Variants in OLAH observed in about 807,000 individuals in gnomAD.
OLAH encodes the protein oleoyl-ACP hydrolase.
OLAH carries 33 observed loss-of-function variants against 27.8 expected under a neutral mutation model. The observed-to-expected ratio is 1.19, with a 90% CI of 0.90 to 1.59. OLAH has a LOEUF of 1.59. OLAH is among the 40% of genes most tolerant of loss of function. The pLI, the probability that OLAH is intolerant of heterozygous loss-of-function variation, is 0.00. For synonymous variants in OLAH, 120 were observed against 102.9 expected (o/e 1.17, Z -1.01); for missense variants, 359 against 310.8 (o/e 1.16, Z -1.17).
chr10:15,036,837 C>T (rs1296089613), intron 1 of OLAH, among the ~76,000 whole-genome samples: 1 of 151,986 alleles, frequency 6.6e-6, no homozygotes, highest in African/African-American at 2.4e-5. Flanking sequence ...TCACAATATT[C>T]TGGGAGGCTG....
At chr10:15,067,602 G>A (rs1019119091) in intron 6 of OLAH, among the ~76,000 whole-genome samples, 1 of 152,134 alleles carries the variant, frequency 6.6e-6, no homozygotes, top group Admixed American at 6.5e-5. Flanking sequence ...TGTAGAAAAT[G>A]TTGACATTCT....
intron 7 of OLAH, among the ~76,000 whole-genome samples, 174 bp downstream of exon 7, chr10:15,072,051 A>T (rs541149371): frequency 3.9e-5 from 6 of 152,136 alleles, no homozygotes; most frequent in African/African-American, 1.4e-4. Context: ...CTCCTGCCTC[A>T]GCCTCCTGAG....
At chr10:15,043,477 C>CA (rs1447144744), upstream of OLAH, among the ~76,000 whole-genome samples, 11 of 133,520 alleles carry the variant, frequency 8.2e-5, no homozygotes, top group African/African-American at 3.1e-4. Flanking sequence ...TTCTCTTCTT[C>CA]TTTTTTTTTT....
intron 6 of OLAH, among the ~76,000 whole-genome samples, chr10:15,069,502 T>G (rs1289183754): frequency 6.6e-6 from 1 of 152,202 alleles, no homozygotes; most frequent in Admixed American, 6.5e-5. Context: ...AACTGCCCTG[T>G]GGAGGTGTCT....
intron 1 of OLAH, among the ~76,000 whole-genome samples, chr10:15,036,424 G>C (rs887886093): frequency 6.6e-6 from 1 of 152,092 alleles, no homozygotes; most frequent in African/African-American, 2.4e-5. Context: ...CCGAACCTGG[G>C]AGGTGGAGGT....
At chr10:15,039,193 G>A (rs190919468), upstream of OLAH, among the ~76,000 whole-genome samples, 7 of 152,082 alleles carry the variant, frequency 4.6e-5, no homozygotes, top group Admixed American at 3.3e-4. Flanking sequence ...ACCCCTGCAC[G>A]CCAGTCTGAG....
chr10:15,060,123 C>T (rs887826160), intron 3 of OLAH, among the ~76,000 whole-genome samples: 2 of 152,018 alleles, frequency 1.3e-5, no homozygotes, highest in African/African-American at 4.8e-5. Context: ...CCACAGTGTA[C>T]TCATCAGCTG....
upstream of OLAH, among the ~76,000 whole-genome samples, chr10:15,042,640 T>C (rs1843939906): frequency 6.6e-6 from 1 of 152,146 alleles, no homozygotes; most frequent in Non-Finnish European, 1.5e-5. Flanking sequence ...ACATCATACT[T>C]GCTTCCTCCC....
intron 6 of OLAH, among the ~76,000 whole-genome samples, chr10:15,067,616 C>T (rs545579748): frequency 6.6e-6 from 1 of 152,240 alleles, no homozygotes; most frequent in East Asian, 1.9e-4. Flanking sequence ...ACATTCTCAC[C>T]CTTTCTCCAG....
intron 6 of OLAH, among the ~76,000 whole-genome samples, chr10:15,067,060 T>C (rs1454592427): frequency 6.6e-6 from 1 of 152,248 alleles, no homozygotes; most frequent in Non-Finnish European, 1.5e-5. Context: ...TATGAGGTGA[T>C]GGATATGTTA....
At chr10:15,052,226 C>T (rs946604753) in intron 3 of OLAH, among the ~76,000 whole-genome samples, 1 of 151,932 alleles carries the variant, frequency 6.6e-6, no homozygotes, top group Admixed American at 6.6e-5. Context: ...GAGATTGCTG[C>T]GAGCCGAGAT....
intron 3 of OLAH, among the ~76,000 whole-genome samples, chr10:15,051,080 T>TATTATTA (rs1554813738): frequency 3.3e-4 from 29 of 88,296 alleles, no homozygotes; most frequent in African/African-American, 1.1e-3. Context: ...TTATTATTAT[T>TATTATTA]TTTTTTTTTT....
chr10:15,057,587 T>G (rs1844271629), intron 3 of OLAH, among the ~76,000 whole-genome samples: 1 of 151,956 alleles, frequency 6.6e-6, no homozygotes, highest in African/African-American at 2.4e-5. Context: ...GGTTTTGCCA[T>G]GTTAGTCAGG....
chr10:15,062,420 C>T (rs934401991), intron 4 of OLAH, among the ~76,000 whole-genome samples: 26 of 151,848 alleles, frequency 1.7e-4, no homozygotes, highest in African/African-American at 6.3e-4. Flanking sequence ...AAAAAGTATC[C>T]ATCATCCTAC....
In OLAH at chr10:15,064,481, G is replaced by A. The variant is rs1844428363; in HGVS notation, c.381G>A (p.Leu127=). 6.3e-7 allele frequency: 1 copy of A among 1,592,792 alleles called. No homozygotes were observed. Among genetic ancestry groups the A allele is most frequent in the East Asian group, 2.3e-5 (1 of 43,246 alleles). The change falls in exon 5 of 8, where the codon TTG becomes TTA. Residue 127 remains leucine, a synonymous_variant. Transcript: ENST00000378228. ...AACCAGAACCATTGCATTTATTTTTGTCAAGTGCAACTCCTGTACATGTAA... is the reference window on the plus strand; with the variant it reads ...AACCAGAACCATTGCATTTATTTTTATCAAGTGCAACTCCTGTACATGTAA... ...NNQPEPLHLF[L]SSATPVHSKA... is the part of the protein sequence containing the mutation.
At chr10:15,070,844 G>T (rs958881627) in intron 6 of OLAH, among the ~76,000 whole-genome samples, 7 of 147,082 alleles carry the variant, frequency 4.8e-5, no homozygotes, top group Admixed American at 2.8e-4. Context: ...GGAGTGCAAT[G>T]GTGCAATCAC....
chr10:15,047,811 C>A (rs2131342735), intron 2 of OLAH, among the ~76,000 whole-genome samples: 1 of 152,220 alleles, frequency 6.6e-6, no homozygotes, highest in East Asian at 1.9e-4. Context: ...TATCCACCCC[C>A]CCAAAAAAAG....
At chr10:15,057,597 G>A (rs142782608) in intron 3 of OLAH, among the ~76,000 whole-genome samples, 1 of 152,004 alleles carries the variant, frequency 6.6e-6, no homozygotes, top group Non-Finnish European at 1.5e-5. Flanking sequence ...TGTTAGTCAG[G>A]CTGGACTCAA....
Position 15,073,193 on chromosome 10 carries a change from C to G in OLAH, c.762C>G (p.Ile254Met). 4 of 1,606,580 alleles carry G rather than the reference C, an allele frequency of 2.5e-6. No individual in the cohort carries two copies. Among genetic ancestry groups the G allele is most frequent in the Non-Finnish European group, 3.4e-6 (4 of 1,173,560 alleles). ...ANEKLIKNYI[I>M]KCLEVSSISN... ...AGAAATTAATCAAGAACTACATAAT[C>G]AAGTGTCTAGAAGTATCATCGATAT... The change falls in exon 8 of 8, where the codon ATC becomes ATG. Residue 254 changes from isoleucine (I) to methionine (M), a missense_variant. Physicochemically the swap from Ile to Met is conservative, Grantham distance 10 (BLOSUM62 1). Transcript: ENST00000378228.
Sources: gnomAD v4.1 joint callset for allele counts (sites outside exome capture counted in the v4.1 genomes callset) on GRCh38, gnomAD v4.1.1 for gene constraint, MANE v1.5 for transcripts, NCBI Gene and HGNC (gene_info 2026-07-23, HGNC 2026-07-21) for gene names.